Variants in ATG4C observed in about 807,000 individuals in gnomAD.
ATG4C encodes autophagy related 4C cysteine peptidase.
In ATG4C, 56 loss-of-function variants were observed where a neutral mutation model predicts 57.6. The observed-to-expected ratio is 0.97, with a 90% CI of 0.78 to 1.21. The LOEUF is 1.21. Among genes scored for constraint, ATG4C ranks in the 50% most tolerant of loss-of-function variants. The probability of loss-of-function intolerance (pLI) is 0.00; values close to 1 mark genes in which losing one functional copy is unlikely to be tolerated. For missense variants in ATG4C, 595 were observed against 529.8 expected (o/e 1.12, Z -1.21); for synonymous variants, 157 against 174.1 (o/e 0.90, Z 0.78).
chr1:62,812,990 A>C (rs911236603), intron 3 of ATG4C, among the ~76,000 whole-genome samples: 10 of 152,168 alleles, frequency 6.6e-5, no homozygotes, highest in Non-Finnish European at 1.0e-4. Context: ...ACAAATGGAA[A>C]AACATTCCAT....
intron 10 of ATG4C, among the ~76,000 whole-genome samples, chr1:62,860,383 T>C (rs926792491): frequency 2.3e-4 from 35 of 152,268 alleles, no homozygotes; most frequent in African/African-American, 8.4e-4. Context: ...AAATATTATG[T>C]ACTGTACATA....
intron 10 of ATG4C, among the ~76,000 whole-genome samples, chr1:62,846,103 G>A (rs561945036): frequency 1.3e-5 from 2 of 152,322 alleles, no homozygotes; most frequent in Admixed American, 1.3e-4. Context: ...CAGCAAATAT[G>A]TGAGTGTTTT....
intron 3 of ATG4C, among the ~76,000 whole-genome samples, chr1:62,814,256 T>A (rs1665188340): frequency 6.6e-6 from 1 of 152,214 alleles, no homozygotes; most frequent in Non-Finnish European, 1.5e-5. Context: ...CATGGAATAC[T>A]ATGCAGCCAT....
At chr1:62,795,560 T>C (rs1395729789) in intron 1 of ATG4C, among the ~76,000 whole-genome samples, 1 of 152,216 alleles carries the variant, frequency 6.6e-6, no homozygotes, top group Non-Finnish European at 1.5e-5. Context: ...TAGCATCTAA[T>C]TAAAATGGAT....
Position 62,829,104 on chromosome 1 carries a change from A to G in ATG4C, c.861A>G (p.Lys287=), listed in dbSNP as rs1435102604. 6.2e-7 allele frequency: 1 copy of G among 1,613,106 alleles called. No individual in the cohort carries two copies. Among genetic ancestry groups the G allele is most frequent in the African/African-American group, 1.3e-5 (1 of 74,886 alleles). ...TGACTTCTGATAATGCAGATGACAA[A>G]GCTGTTATTATTCTAGTTCCTGTTA... The part of the protein sequence containing the change: ...ASMTSDNADD[K]AVIILVPVRL... Residue 287 remains lysine (K), a synonymous_variant, in exon 7 of 11, where the codon AAA becomes AAG. Coordinates refer to ENST00000317868, the MANE Select transcript of ATG4C (RefSeq NM_032852.4).
At chr1:62,795,847 A>C (rs1664443436) in intron 1 of ATG4C, among the ~76,000 whole-genome samples, 1 of 152,016 alleles carries the variant, frequency 6.6e-6, no homozygotes, top group African/African-American at 2.4e-5. Flanking sequence ...AAAAAAAAAA[A>C]AGAAGAGAAG....
rs932417518 is a variant in ATG4C at position 62,829,117 on chromosome 1, C to T, written c.874C>T (p.Leu292=). 3 of 1,612,882 alleles carry T rather than the reference C, an allele frequency of 1.9e-6. No individual in the cohort carries two copies. The highest frequency in any genetic ancestry group is 2.7e-5 in the African/African-American group (2 of 74,824). Residue 292 remains leucine, a synonymous_variant, in exon 7 of 11, where the codon CTA becomes TTA. Coordinates refer to ENST00000317868, the MANE Select transcript of ATG4C (RefSeq NM_032852.4). ...DNADDKAVII[L]VPVRLGGERT... ...TGCAGATGACAAAGCTGTTATTATT[C>T]TAGTTCCTGTTAGACTTGGTGGAGA...
At chr1:62,795,037 A>T (rs1328957333) in intron 1 of ATG4C, among the ~76,000 whole-genome samples, 1 of 152,238 alleles carries the variant, frequency 6.6e-6, no homozygotes, top group South Asian at 2.1e-4. Context: ...TTCTAAATCA[A>T]TATCTATATT....
At chr1:62,855,068 G>T (rs1180609442) in intron 10 of ATG4C, among the ~76,000 whole-genome samples, 1 of 151,214 alleles carries the variant, frequency 6.6e-6, no homozygotes, top group Non-Finnish European at 1.5e-5. Context: ...GGAGAGGGGG[G>T]TGAAGAAGGG....
chr1:62,841,761 G>T (rs1173542247), intron 10 of ATG4C, among the ~76,000 whole-genome samples: 1 of 152,084 alleles, frequency 6.6e-6, no homozygotes, highest in African/African-American at 2.4e-5. Flanking sequence ...AGTATTGATT[G>T]GTCCACTAGG....
intron 7 of ATG4C, among the ~76,000 whole-genome samples, chr1:62,832,439 G>T (rs7527905): frequency 6.6e-6 from 1 of 151,962 alleles, no homozygotes; most frequent in African/African-American, 2.4e-5. Flanking sequence ...TCCTTGCTGC[G>T]CTCTCACATG....
chr1:62,833,243 C>T (rs996255231), intron 7 of ATG4C, among the ~76,000 whole-genome samples: 1 of 151,998 alleles, frequency 6.6e-6, no homozygotes, highest in African/African-American at 2.4e-5. Flanking sequence ...TATACTTTAT[C>T]ATTATTAGTG....
intron 10 of ATG4C, among the ~76,000 whole-genome samples, chr1:62,842,301 A>ATTTTTT (rs71045857): frequency 7.2e-6 from 1 of 139,562 alleles, no homozygotes; most frequent in Admixed American, 7.3e-5. Flanking sequence ...ATTTTTGGGA[A>ATTTTTT]TTTTTTTTTT....
At chr1:62,847,388 C>T (rs1448506672) in intron 10 of ATG4C, among the ~76,000 whole-genome samples, 3 of 152,014 alleles carry the variant, frequency 2.0e-5, no homozygotes, top group Non-Finnish European at 4.4e-5. Context: ...AACTTATAGT[C>T]CAGTGGACAT....
chr1:62,810,810 G>GA (rs1471943166), intron 3 of ATG4C, among the ~76,000 whole-genome samples: 1 of 151,762 alleles, frequency 6.6e-6, no homozygotes, highest in African/African-American at 2.4e-5. Context: ...CATTTCAGTG[G>GA]ACAAGCTAGA....
At chr1:62,819,743 T>G (rs17123877) in intron 5 of ATG4C, among the ~76,000 whole-genome samples, 4,684 of 152,070 alleles carry the variant, frequency 0.031, 252 homozygotes, top group African/African-American at 0.11. Context: ...ATTGATATTT[T>G]CGGCATTTCT....
At chr1:62,808,349 A>G (rs571043161) in intron 3 of ATG4C, among the ~76,000 whole-genome samples, 1 of 152,302 alleles carries the variant, frequency 6.6e-6, no homozygotes, top group South Asian at 2.1e-4. Context: ...ACACTAGAGG[A>G]AGCCTGAATT....
At chr1:62,861,166 T>C (rs1019289958) in intron 10 of ATG4C, among the ~76,000 whole-genome samples, 1 of 152,194 alleles carries the variant, frequency 6.6e-6, no homozygotes, top group Admixed American at 6.5e-5. Context: ...AAAAAACAAC[T>C]ATGAGATGGT....
intron 8 of ATG4C, 98 bp downstream of exon 8, chr1:62,834,214 A>ACAAATTTCTATT: frequency 9.3e-7 from 1 of 1,078,686 alleles, no homozygotes; most frequent in Non-Finnish European, 1.4e-6. Context: ...AACAGAGCAA[A>ACAAATTTCTATT]ACGAGTACCT....
Sources: allele counts gnomAD v4.1 joint callset (sites outside exome capture counted in the v4.1 genomes callset), GRCh38; gene constraint gnomAD v4.1.1; transcripts MANE v1.5; gene names NCBI Gene and HGNC (gene_info 2026-07-23, HGNC 2026-07-21).